SRP19: variants seen among roughly 807,000 people sequenced by gnomAD.
The protein encoded by SRP19 is signal recognition particle 19 kDa protein.
SRP19 carries 11 observed loss-of-function variants against 22.4 expected under a neutral mutation model. That is an observed-to-expected ratio of 0.49 (90% CI 0.31 to 0.81). The LOEUF (loss-of-function observed/expected upper bound fraction) is 0.81. Among genes scored for constraint, SRP19 ranks in the 40% least tolerant of loss-of-function variants. SRP19 has a pLI of 0.05. For synonymous variants in SRP19, 61 were observed against 57.6 expected, an observed-to-expected ratio of 1.06 and a Z score of -0.27; for missense variants, 168 against 175.9, an observed-to-expected ratio of 0.96 and a Z score of 0.25.
rs568352881 is a variant in SRP19, at chr5:112,889,703, T to C, written c.302-1900T>C. On this transcript the variant is annotated intron_variant, in intron 4 of 4. Coordinates refer to the SRP19 transcript ENST00000391338. Reference sequence around the variant, plus strand: ...TTAACATTTCCATCAGAAATTGATATACTAGCCAGGCTTACACCTGTAATC... The same window carrying C: ...TTAACATTTCCATCAGAAATTGATACACTAGCCAGGCTTACACCTGTAATC... Among the ~76,000 whole-genome samples the C allele has an allele frequency of 2.7e-4, 40 of 150,576 alleles. 5 individuals are homozygous for C. The highest frequency in any genetic ancestry group is 9.9e-4 in the African/African-American group (40 of 40,500).
intron 4 of SRP19, among the ~76,000 whole-genome samples, chr5:112,886,397 T>TA (rs1768246556): frequency 6.6e-6 from 1 of 152,208 alleles, no homozygotes; most frequent in African/African-American, 2.4e-5. Context: ...ACAAGTGTCT[T>TA]AGAGTAGACA....
rs747979448 is a variant in SRP19 at position 112,892,566 on chromosome 5, G to A, written c.*959G>A. ...AGCTGCAATGTGAATTCTGCCCAGT[G>A]ACCCGGTGGAAAATGGCGATTTGTG... On this transcript the variant is annotated 3_prime_UTR_variant, in exon 5 of 5. Transcript: ENST00000391338. 11 of 1,614,208 alleles carry A rather than the reference G, an allele frequency of 6.8e-6. No individual in the cohort carries two copies. The South Asian group carries it at 1.1e-4, about 16-fold the overall frequency.
At position 112,869,080 on chromosome 5, in the gene SRP19, T is replaced by A. The variant is rs1431741641; in HGVS notation, c.*1543T>A. On this transcript the variant is annotated 3_prime_UTR_variant, in exon 5 of 5. Transcript: ENST00000505459. ...GTAACAAAACAATAAGGGGATGTGT[T>A]TGCTGTGTAACAAAACAATGAAGGA... The A allele has an allele frequency of 6.6e-6, 1 of 152,194 alleles. No individual in the cohort carries two copies. The highest frequency in any genetic ancestry group is 2.4e-5 in the African/African-American group (1 of 41,442). 9.4% of individuals were successfully genotyped at this position (152,194 alleles called of 1,614,324 possible).
At chr5:112,862,302 C>G in intron 1 of SRP19, 1 of 607,960 alleles carries the variant, frequency 1.6e-6, no homozygotes, top group East Asian at 2.9e-5. Context: ...GGAGTAGGCC[C>G]GCGGCCAGTC....
chr5:112,879,559 T>C (rs866049264), intron 4 of SRP19, among the ~76,000 whole-genome samples: 33 of 152,116 alleles, frequency 2.2e-4, no homozygotes, highest in Non-Finnish European at 2.8e-4. Flanking sequence ...CTACAGGCTC[T>C]GCCTCCCGGG....
chr5:112,878,888 A>T, intron 4 of SRP19: 1 of 1,613,506 alleles, frequency 6.2e-7, no homozygotes, highest in Non-Finnish European at 8.5e-7. Flanking sequence ...TTTCTTTGGA[A>T]TGCAAGCTTG....
chr5:112,872,587 C>A (rs1767782896), downstream of SRP19, among the ~76,000 whole-genome samples: 1 of 152,142 alleles, frequency 6.6e-6, no homozygotes, highest in Non-Finnish European at 1.5e-5. Context: ...CCTTGGCCTC[C>A]CAAAGTGCTG....
Sources: allele counts gnomAD v4.1 joint callset (sites outside exome capture counted in the v4.1 genomes callset), GRCh38; gene constraint gnomAD v4.1.1; transcripts MANE v1.5; gene names NCBI Gene and HGNC (gene_info 2026-07-23, HGNC 2026-07-21).